ALDH1L1: variants seen among roughly 807,000 people sequenced by gnomAD.
The protein encoded by ALDH1L1 is aldehyde dehydrogenase 1 family member L1.
In ALDH1L1, 68 loss-of-function variants were observed where a neutral mutation model predicts 101.1. The observed-to-expected ratio is 0.67, with a 90% CI of 0.55 to 0.82. The LOEUF (loss-of-function observed/expected upper bound fraction) is 0.82. Among genes scored for constraint, ALDH1L1 ranks in the 40% least tolerant of loss-of-function variants. The probability of loss-of-function intolerance (pLI) is 0.00; values close to 1 mark genes in which losing one functional copy is unlikely to be tolerated. For synonymous variants in ALDH1L1, 486 were observed against 470.8 expected (o/e 1.03, Z -0.42); for missense variants, 1,087 against 1,172.7 (o/e 0.93, Z 1.07).
At chr3:126,177,372 T>C (rs566693377) in intron 1 of ALDH1L1, among the ~76,000 whole-genome samples, 2 of 152,064 alleles carry the variant, frequency 1.3e-5, no homozygotes, top group Non-Finnish European at 2.9e-5. Context: ...TATTAGTCAA[T>C]GATAAAAAGA....
chr3:126,194,501 T>G lies in ALDH1L1; in HGVS notation c.-24+3234A>C, dbSNP rs74497809. On this transcript the variant is annotated intron_variant, in intron 1 of 2. Transcript: ENST00000509952. ...TAATCAGTTTAACCATGAGGTGAGATTCTTATAAACCTTTTATCACCCTCT... is the reference window on the plus strand; with the variant it reads ...TAATCAGTTTAACCATGAGGTGAGAGTCTTATAAACCTTTTATCACCCTCT... Among the ~76,000 whole-genome samples, 561 of 152,284 alleles carry G rather than the reference T, an allele frequency of 3.7e-3. 2 individuals carry two copies. The highest frequency in any genetic ancestry group is 0.012 in the African/African-American group (516 of 41,560).
At chr3:126,113,709 C>T (rs950586257) in intron 18 of ALDH1L1, among the ~76,000 whole-genome samples, 3 of 152,196 alleles carry the variant, frequency 2.0e-5, no homozygotes, top group African/African-American at 4.8e-5. Flanking sequence ...CCACCCTCCA[C>T]GGCACAGTGG....
intron 11 of ALDH1L1, 151 bp from the exon 12 acceptor site, chr3:126,135,813 C>T (rs1360670743): frequency 2.0e-6 from 2 of 1,005,680 alleles, no homozygotes; most frequent in Non-Finnish European, 1.4e-6. Flanking sequence ...CAAAGGACAA[C>T]CCTGGGAGGG....
rs535905135 is a variant in ALDH1L1, at chr3:126,103,900, C to T, written c.2654-54G>A. On this transcript the variant is annotated intron_variant, in intron 22 of 22. Coordinates refer to ENST00000393434, the MANE Select transcript of ALDH1L1 (RefSeq NM_012190.4). ...CTCCCACCACAGGCAGGGCACTGCTCGGGGCTGCAAGTGTCTTATTCCTCA... is the reference window on the plus strand; with the variant it reads ...CTCCCACCACAGGCAGGGCACTGCTTGGGGCTGCAAGTGTCTTATTCCTCA... The T allele has an allele frequency of 3.1e-5, 49 of 1,585,564 alleles. 1 individual carries two copies. In the South Asian group the frequency reaches 4.5e-4, roughly 15 times the overall value.
intron 16 of ALDH1L1, among the ~76,000 whole-genome samples, chr3:126,120,274 C>T (rs932993035): frequency 1.3e-5 from 2 of 152,168 alleles, no homozygotes; most frequent in Non-Finnish European, 2.9e-5. Context: ...GTGAATCAGA[C>T]AAGGGAAATT....
intron 9 of ALDH1L1, among the ~76,000 whole-genome samples, chr3:126,145,197 T>C (rs898110887): frequency 2.6e-5 from 4 of 152,006 alleles, no homozygotes; most frequent in Non-Finnish European, 5.9e-5. Context: ...GGAAGGAAGA[T>C]AGGAATGAAA....
chr3:126,155,678 C>A (rs1306082382), intron 4 of ALDH1L1, 175 bp from the exon 5 acceptor site: 2 of 540,094 alleles, frequency 3.7e-6, no homozygotes, highest in Non-Finnish European at 6.5e-6. Flanking sequence ...AACCTAACTT[C>A]TATTGCACAA....
At chr3:126,125,185 G>C (rs1472607269) in intron 15 of ALDH1L1, among the ~76,000 whole-genome samples, 1 of 152,134 alleles carries the variant, frequency 6.6e-6, no homozygotes, top group Non-Finnish European at 1.5e-5. Context: ...TGCAGGGATG[G>C]GGACCACGAA....
At chr3:126,109,803 C>A in intron 20 of ALDH1L1, 141 bp downstream of exon 20, 1 of 1,234,008 alleles carries the variant, frequency 8.1e-7, no homozygotes. Flanking sequence ...CCCAGTCCAT[C>A]CCAGGTCCCA....
rs567303552 is a variant in ALDH1L1 at position 126,167,146 on chromosome 3, C to T, written c.-23-6144G>A. ...TATAAAATACATAGAAGTATTATTA[C>T]GTTGCCTTTATAACAAAACCCAAGA... On this transcript the variant is annotated intron_variant, in intron 1 of 22. Coordinates refer to ENST00000393434, the MANE Select transcript of ALDH1L1 (RefSeq NM_012190.4). Among the ~76,000 whole-genome samples, 301 of 152,150 alleles carry T rather than the reference C, an allele frequency of 2.0e-3. 1 individual carries two copies. Among genetic ancestry groups the T allele is most frequent in the Non-Finnish European group, 3.2e-3 (217 of 67,976 alleles).
intron 8 of ALDH1L1, 127 bp from the exon 9 acceptor site, chr3:126,147,053 C>T (rs1023288735): frequency 1.6e-5 from 13 of 829,332 alleles, no homozygotes. Flanking sequence ...TATGTACCTC[C>T]AAGTTGTTGC....
chr3:126,135,305 GC>G, intron 12 of ALDH1L1: 1 of 450,788 alleles, frequency 2.2e-6, no homozygotes, highest in Non-Finnish European at 3.8e-6. Flanking sequence ...CCTCCCCTGA[GC>G]CCACTCTGCT....
chr3:126,167,428 A>G (rs977782081), intron 1 of ALDH1L1, among the ~76,000 whole-genome samples: 7 of 152,228 alleles, frequency 4.6e-5, no homozygotes, highest in Non-Finnish European at 8.8e-5. Context: ...TCTTCATTGT[A>G]CAAACATATT....
chr3:126,109,043 G>A (rs1945985884), intron 20 of ALDH1L1, among the ~76,000 whole-genome samples: 1 of 152,234 alleles, frequency 6.6e-6, no homozygotes, highest in Non-Finnish European at 1.5e-5. Context: ...CAGGGAGGCA[G>A]AGGAGGCCCA....
At chr3:126,171,408 G>T (rs145041203) in intron 1 of ALDH1L1, among the ~76,000 whole-genome samples, 1 of 152,274 alleles carries the variant, frequency 6.6e-6, no homozygotes, top group Non-Finnish European at 1.5e-5. Context: ...AGACACAGAA[G>T]CAGTCCAAGC....
intron 1 of ALDH1L1, among the ~76,000 whole-genome samples, chr3:126,165,185 A>C (rs1451262279): frequency 2.6e-5 from 4 of 152,020 alleles, no homozygotes; most frequent in Non-Finnish European, 5.9e-5. Flanking sequence ...ATGATCATAT[A>C]GTTTTTGCTT....
intron 10 of ALDH1L1, among the ~76,000 whole-genome samples, chr3:126,137,143 CAGA>C (rs904432511): frequency 3.9e-5 from 6 of 151,914 alleles, no homozygotes; most frequent in African/African-American, 1.5e-4. Context: ...TAAGAGGACT[CAGA>C]CAGAGGAAAA....
At chr3:126,179,046 C>A (rs2081420913) in intron 1 of ALDH1L1, among the ~76,000 whole-genome samples, 1 of 152,234 alleles carries the variant, frequency 6.6e-6, no homozygotes, top group Admixed American at 6.5e-5. Flanking sequence ...GAATGGCAGG[C>A]ACGGGAGCCT....
intron 9 of ALDH1L1, among the ~76,000 whole-genome samples, chr3:126,142,845 G>T (rs530152875): frequency 6.6e-6 from 1 of 152,140 alleles, no homozygotes; most frequent in African/African-American, 2.4e-5. Context: ...TTACCCACGG[G>T]CAGGGTCGGG....
Sources: gnomAD v4.1 joint callset for allele counts (sites outside exome capture counted in the v4.1 genomes callset) on GRCh38, gnomAD v4.1.1 for gene constraint, MANE v1.5 for transcripts, NCBI Gene and HGNC (gene_info 2026-07-23, HGNC 2026-07-21) for gene names.